Variants in JAK1 observed in about 807,000 individuals in gnomAD.
JAK1 encodes the protein tyrosine-protein kinase JAK1.
JAK1 carries 16 observed loss-of-function variants against 136.6 expected under a neutral mutation model. The ratio of observed to expected loss-of-function variants is 0.12; its 90% CI spans 0.08 to 0.18. JAK1 has a LOEUF of 0.18. JAK1 is among the 10% of genes least tolerant of loss of function. The probability of loss-of-function intolerance (pLI) is 1.00; values close to 1 mark genes in which losing one functional copy is unlikely to be tolerated. For missense variants in JAK1, 859 were observed against 1,450.1 expected (o/e 0.59, Z 6.62); for synonymous variants, 492 against 519.5 (o/e 0.95, Z 0.72).
intron 4 of JAK1, 110 bp from the exon 5 acceptor site, chr1:64,873,633 A>G (rs1340839126): frequency 8.1e-7 from 1 of 1,230,354 alleles, no homozygotes; most frequent in Non-Finnish European, 1.2e-6. Flanking sequence ...TGCCCTGAGA[A>G]GCAGGCAGAC....
rs5774736 is a variant in JAK1 at position 64,982,083 on chromosome 1, A to AAC, written c.-78+62395_-78+62396dup. Among the ~76,000 whole-genome samples, 1,159 of 150,534 alleles carry AAC rather than the reference A, an allele frequency of 7.7e-3. 12 individuals are homozygous for AAC. Among genetic ancestry groups the AAC allele is most frequent in the African/African-American group, 0.022 (912 of 41,164 alleles). On this transcript the variant is annotated intron_variant, in intron 2 of 25. Coordinates refer to the JAK1 transcript ENST00000671954. ...AGTTGATGTCAACACTAAGTTAAAT[A>AAC]ACACACACACACACACACGCACACA...
chr1:64,971,960 T>C (rs1646456391), intron 2 of JAK1, among the ~76,000 whole-genome samples: 1 of 152,338 alleles, frequency 6.6e-6, no homozygotes, highest in African/African-American at 2.4e-5. Context: ...ATATGTTGAA[T>C]TGTTGTGGGT....
chr1:64,959,621 A>G lies in JAK1; in HGVS notation c.-78+6712T>C, dbSNP rs1357859344. On this transcript the variant is annotated intron_variant, in intron 1 of 24. Coordinates refer to ENST00000342505, the MANE Select transcript of JAK1 (RefSeq NM_002227.4). ...TTAACTTTCCCAGAAAGTCAAATACATTCCTACCAAATTATATACCTTGGA... is the reference window on the plus strand; with the variant it reads ...TTAACTTTCCCAGAAAGTCAAATACGTTCCTACCAAATTATATACCTTGGA... Among the ~76,000 whole-genome samples, 4 of 152,356 alleles carry G rather than the reference A, an allele frequency of 2.6e-5. No homozygotes were observed. In the South Asian group the frequency reaches 8.3e-4, roughly 32 times the overall value.
At chr1:65,003,211 C>T (rs1646777195) in intron 2 of JAK1, among the ~76,000 whole-genome samples, 2 of 151,944 alleles carry the variant, frequency 1.3e-5, no homozygotes, top group South Asian at 2.1e-4. Flanking sequence ...CGGCCTGGCT[C>T]CAGGCGCCCT....
chr1:64,930,787 G>A (rs1475876651), intron 1 of JAK1, among the ~76,000 whole-genome samples: 1 of 152,164 alleles, frequency 6.6e-6, no homozygotes. Flanking sequence ...AGAAAATGTG[G>A]CACATATACA....
chr1:65,031,392 GAACATTCTAC>G (rs2100814603), intron 2 of JAK1, among the ~76,000 whole-genome samples: 1 of 152,126 alleles, frequency 6.6e-6, no homozygotes, highest in Admixed American at 6.5e-5. Context: ...TTATTTTGTA[GAACATTCTAC>G]AAAATAACTG....
intron 1 of JAK1, among the ~76,000 whole-genome samples, chr1:64,889,813 T>C (rs1644908659): frequency 6.6e-6 from 1 of 152,134 alleles, no homozygotes; most frequent in African/African-American, 2.4e-5. Flanking sequence ...GACAAGGAAA[T>C]AAAAATAGAC....
intron 13 of JAK1, 91 bp from the exon 14 acceptor site, chr1:64,846,827 A>G: frequency 1.0e-6 from 1 of 966,982 alleles, no homozygotes; most frequent in Non-Finnish European, 1.6e-6. Context: ...CAGTGGACCC[A>G]GGAAAGCTCA....
chr1:64,992,616 G>A (rs1460591003), intron 2 of JAK1: 1 of 151,948 alleles, frequency 6.6e-6, no homozygotes, highest in Non-Finnish European at 1.5e-5. Context: ...TAGGCCAGGC[G>A]CGGTGGCTCA....
chr1:64,867,273 C>G (rs746220712), intron 6 of JAK1, 65 bp from the exon 7 acceptor site: 10 of 1,219,646 alleles, frequency 8.2e-6, no homozygotes, highest in South Asian at 1.5e-5. Flanking sequence ...AGTTTAGAAA[C>G]AAATCTAAGT....
chr1:64,843,786 A>G (rs1655055197), intron 17 of JAK1, among the ~76,000 whole-genome samples: 2 of 152,202 alleles, frequency 1.3e-5, no homozygotes, highest in Non-Finnish European at 2.9e-5. Flanking sequence ...TATAACATCT[A>G]TCGAGCTTGT....
At chr1:65,067,136 G>A (rs1160367173) in intron 1 of JAK1, among the ~76,000 whole-genome samples, 2 of 151,686 alleles carry the variant, frequency 1.3e-5, no homozygotes, top group Admixed American at 1.3e-4. Context: ...GGAGTGCGGA[G>A]GCCCGGCCCG....
chr1:64,984,769 A>C lies in JAK1; in HGVS notation c.-78+59711T>G. On this transcript the variant is annotated intron_variant, in intron 2 of 25. Transcript: ENST00000671954. This position sits in a 1 kb window ranked among gnomAD's most constrained non-coding sequence, Gnocchi z 4.1. ...GGGACTTTGAAGAAGGTAAAGATCA[A>C]GAAGGTAATGAGGAAGTCGGTGAAG... 1 of 997,202 alleles carries C rather than the reference A, an allele frequency of 1.0e-6. No homozygotes were observed. Among genetic ancestry groups the C allele is most frequent in the Non-Finnish European group, 1.5e-6 (1 of 655,560 alleles). The allele number at this position is 997,202 out of a possible 1,614,324, so 61.8% of individuals were successfully genotyped here.
At chr1:64,864,136 T>C (rs1656544524) in intron 8 of JAK1, among the ~76,000 whole-genome samples, 1 of 152,228 alleles carries the variant, frequency 6.6e-6, no homozygotes, top group South Asian at 2.1e-4. Context: ...GAATGTGGCC[T>C]TTCCTGGTGT....
intron 2 of JAK1, chr1:64,987,312 T>C (rs1036002552): frequency 6.6e-6 from 1 of 152,214 alleles, no homozygotes; most frequent in African/African-American, 2.4e-5. Context: ...GCAGTCATCC[T>C]TGTATTTGCA....
intron 2 of JAK1, among the ~76,000 whole-genome samples, chr1:64,999,645 G>A (rs1045662172): frequency 6.6e-6 from 1 of 151,700 alleles, no homozygotes; most frequent in African/African-American, 2.4e-5. Context: ...TGAAGCAGGA[G>A]GATCACTTAA....
chr1:64,947,621 C>CT (rs1251717713), intron 1 of JAK1, among the ~76,000 whole-genome samples: 1 of 74,868 alleles, frequency 1.3e-5, no homozygotes, highest in African/African-American at 2.9e-5. Context: ...GCCAATAAAT[C>CT]CTTTTTTTTT....
At chr1:64,963,156 A>G (rs1425805446) in intron 1 of JAK1, among the ~76,000 whole-genome samples, 3 of 152,194 alleles carry the variant, frequency 2.0e-5, no homozygotes, top group Non-Finnish European at 2.9e-5. Flanking sequence ...CGTAATTATT[A>G]AAAAAGAAAG....
chr1:65,020,854 A>G (rs1646931795), intron 2 of JAK1, among the ~76,000 whole-genome samples: 1 of 152,178 alleles, frequency 6.6e-6, no homozygotes, highest in Non-Finnish European at 1.5e-5. Context: ...AAAATACTCT[A>G]GAACTAGTAA....
Sources: gnomAD v4.1 joint callset for allele counts (sites outside exome capture counted in the v4.1 genomes callset) on GRCh38, gnomAD v4.1.1 for gene constraint, Gnocchi (gnomAD v3.1) non-coding constraint, MANE v1.5 for transcripts, NCBI Gene and HGNC (gene_info 2026-07-23, HGNC 2026-07-21) for gene names.